The following DCC variants were observed in gnomAD, a reference collection of about 807,000 sequenced individuals.
The protein encoded by DCC is netrin receptor DCC.
A neutral mutation model predicts 172.5 loss-of-function variants in DCC; 58 were observed. The observed-to-expected ratio is 0.34, with a 90% CI of 0.27 to 0.42. The LOEUF (loss-of-function observed/expected upper bound fraction) is 0.42. DCC is among the 10% of genes least tolerant of loss of function. The pLI is 1.00. For missense variants in DCC, 1,740 were observed against 1,791.0 expected (o/e 0.97, Z 0.51); for synonymous variants, 709 against 644.5 (o/e 1.10, Z -1.52).
At chr18:53,081,108 C>A (rs1031831734) in intron 7 of DCC, among the ~76,000 whole-genome samples, 1 of 151,988 alleles carries the variant, frequency 6.6e-6, no homozygotes, top group Non-Finnish European at 1.5e-5. Context: ...AAAACTATCA[C>A]TTTTTCCCCC....
intron 1 of DCC, among the ~76,000 whole-genome samples, chr18:52,418,431 G>A (rs911050049): frequency 3.3e-5 from 5 of 152,166 alleles, no homozygotes; most frequent in Admixed American, 1.3e-4. Context: ...GGAGCAGGCA[G>A]GGTGGCTTTT....
At chr18:53,330,245 A>C (rs2057515630) in intron 14 of DCC, among the ~76,000 whole-genome samples, 2 of 152,314 alleles carry the variant, frequency 1.3e-5, no homozygotes, top group South Asian at 4.1e-4. Context: ...GATCTTTCAA[A>C]GTATCATTTC....
At chr18:52,963,220 T>TA (rs1200413598) in intron 5 of DCC, among the ~76,000 whole-genome samples, 1 of 151,946 alleles carries the variant, frequency 6.6e-6, no homozygotes, top group Non-Finnish European at 1.5e-5. Flanking sequence ...TAGATTTTTT[T>TA]AAAAATTTTT....
At chr18:53,047,634 A>G (rs893204563) in intron 5 of DCC, among the ~76,000 whole-genome samples, 9 of 150,570 alleles carry the variant, frequency 6.0e-5, no homozygotes, top group Admixed American at 1.3e-4. Context: ...ACACAGACAT[A>G]TTGCTTTTTT....
chr18:53,526,848 T>TCAACCCAGGC, intron 28 of DCC, 89 bp downstream of exon 28: 1 of 959,110 alleles, frequency 1.0e-6, no homozygotes, highest in Non-Finnish European at 1.7e-6. Context: ...TACTGTCCAT[T>TCAACCCAGGC]CACCCCAGGC....
intron 5 of DCC, among the ~76,000 whole-genome samples, chr18:53,057,846 C>T (rs59494746): frequency 0.076 from 11,604 of 152,050 alleles, 1,367 homozygotes; most frequent in African/African-American, 0.25. Context: ...AACAAACAAA[C>T]ATATGCTTCA....
chr18:53,209,853 C>G (rs2055718675), intron 11 of DCC, among the ~76,000 whole-genome samples: 1 of 152,196 alleles, frequency 6.6e-6, no homozygotes, highest in African/African-American at 2.4e-5. Flanking sequence ...TGATTCTCCA[C>G]TTTGGTTTTA....
intron 1 of DCC, among the ~76,000 whole-genome samples, chr18:52,691,279 T>C (rs1174272715): frequency 1.3e-5 from 2 of 152,086 alleles, no homozygotes; most frequent in African/African-American, 2.4e-5. Flanking sequence ...TGCAGGAACA[T>C]CAGTGCCCTG....
intron 2 of DCC, among the ~76,000 whole-genome samples, chr18:52,903,655 A>G (rs2039840464): frequency 6.6e-6 from 1 of 152,256 alleles, no homozygotes; most frequent in South Asian, 2.1e-4. Flanking sequence ...TTGGAAAATT[A>G]TTCCTGACTA....
At chr18:53,021,353 G>C (rs759256792) in intron 5 of DCC, among the ~76,000 whole-genome samples, 6 of 152,186 alleles carry the variant, frequency 3.9e-5, no homozygotes, top group Non-Finnish European at 8.8e-5. Flanking sequence ...AAGTGAATGA[G>C]CTGTGAGTGA....
intron 1 of DCC, among the ~76,000 whole-genome samples, chr18:52,388,672 GA>G (rs900313986): frequency 3.9e-5 from 6 of 152,194 alleles, no homozygotes; most frequent in Admixed American, 2.6e-4. Flanking sequence ...ACTGGAGAGA[GA>G]AGGTGAGATG....
At chr18:53,281,796 C>T (rs1568410199) in intron 12 of DCC, among the ~76,000 whole-genome samples, 2 of 144,714 alleles carry the variant, frequency 1.4e-5, no homozygotes, top group Non-Finnish European at 3.0e-5. Flanking sequence ...CTGAGAGGCA[C>T]TTTGCCAGTA....
intron 18 of DCC, 116 bp from the exon 19 acceptor site, chr18:53,402,670 T>G: frequency 1.2e-6 from 1 of 821,270 alleles, no homozygotes. Flanking sequence ...AATGGCAAAA[T>G]AGACATGATA....
chr18:52,675,695 C>T (rs962209975), intron 1 of DCC, among the ~76,000 whole-genome samples: 21 of 152,158 alleles, frequency 1.4e-4, no homozygotes, highest in Non-Finnish European at 3.1e-4. Context: ...ACTGTGTTTA[C>T]TAAAGCAGGA....
chr18:52,772,840 A>T (rs1284714673), intron 2 of DCC, among the ~76,000 whole-genome samples: 1 of 152,214 alleles, frequency 6.6e-6, no homozygotes, highest in Non-Finnish European at 1.5e-5. Flanking sequence ...TTGAAGTTAC[A>T]GTAGCACAGT....
intron 1 of DCC, among the ~76,000 whole-genome samples, chr18:52,434,781 C>G (rs141994877): frequency 1.3e-5 from 2 of 152,192 alleles, no homozygotes; most frequent in Non-Finnish European, 2.9e-5. Context: ...AACACTGTTA[C>G]ATACTAGACA....
chr18:53,297,969 CA>C (rs796076978), intron 12 of DCC, among the ~76,000 whole-genome samples: 22 of 152,168 alleles, frequency 1.4e-4, no homozygotes, highest in African/African-American at 5.3e-4. Flanking sequence ...AATAACCATT[CA>C]GGGGGTTTCA....
chr18:53,259,436 T>C (rs1440627246), intron 12 of DCC, among the ~76,000 whole-genome samples: 3 of 152,206 alleles, frequency 2.0e-5, no homozygotes, highest in African/African-American at 7.2e-5. Context: ...CATTTGCTTG[T>C]CTGTAAAGTA....
At chr18:52,440,091 C>G (rs1182636898) in intron 1 of DCC, among the ~76,000 whole-genome samples, 1 of 152,112 alleles carries the variant, frequency 6.6e-6, no homozygotes, top group African/African-American at 2.4e-5. Flanking sequence ...GGAATAAGAA[C>G]CAGAGTTTGC....
Sources: gnomAD v4.1 joint callset for allele counts (sites outside exome capture counted in the v4.1 genomes callset) on GRCh38, gnomAD v4.1.1 for gene constraint, MANE v1.5 for transcripts, NCBI Gene and HGNC (gene_info 2026-07-23, HGNC 2026-07-21) for gene names.